Variants in COL28A1 observed in about 807,000 individuals in gnomAD.
COL28A1 encodes the protein collagen type XXVIII alpha 1 chain.
In COL28A1, 161 loss-of-function variants were observed where a neutral mutation model predicts 150.2. That is an observed-to-expected ratio of 1.07 (90% CI 0.94 to 1.22). The LOEUF (loss-of-function observed/expected upper bound fraction) is 1.22, where lower values mean the gene tolerates loss of function less well. Among genes scored for constraint, COL28A1 ranks in the 50% most tolerant of loss-of-function variants. COL28A1 has a pLI of 0.00. For synonymous variants in COL28A1, 552 were observed against 469.7 expected, an observed-to-expected ratio of 1.18 and a Z score of -2.26; for missense variants, 1,617 against 1,388.3, an observed-to-expected ratio of 1.16 and a Z score of -2.62.
At position 7,358,423 on chromosome 7, in the gene COL28A1, C is replaced by T; in HGVS notation, c.*210G>A. ...AACTTTTTAGTTGGGTGACAGTTGA[C>T]AAGTTACTAAACTTCTCAGAGCCTC... On this transcript the variant is annotated 3_prime_UTR_variant, in exon 35 of 35. Transcript: ENST00000399429. 2.2e-6 allele frequency: 1 copy of T among 458,208 alleles called. No individual in the cohort carries two copies. The highest frequency in any genetic ancestry group is 3.8e-6 in the Non-Finnish European group (1 of 262,356). The allele number at this position is 458,208 out of a possible 1,614,324, so 28.4% of individuals were successfully genotyped here.
intron 11 of COL28A1, among the ~76,000 whole-genome samples, chr7:7,503,943 A>T (rs1172150171): frequency 6.6e-6 from 1 of 152,194 alleles, no homozygotes; most frequent in Non-Finnish European, 1.5e-5. Context: ...TTAAAACTTA[A>T]GTGGCAATTT....
rs1362711759 is a variant in COL28A1, at chr7:7,531,464, C to T, written c.565G>A (p.Ala189Thr). The T allele has an allele frequency of 6.3e-7, 1 of 1,595,510 alleles. No individual in the cohort carries two copies. Among genetic ancestry groups the T allele is most frequent in the Non-Finnish European group, 8.6e-7 (1 of 1,163,206 alleles). Reference sequence around the variant, plus strand: ...GCTTCATTGACTACCGTAGAAAGTGCAATGGTGATAAATGATATTCCTGAA... The same window carrying T: ...GCTTCATTGACTACCGTAGAAAGTGTAATGGTGATAAATGATATTCCTGAA... The part of the protein sequence containing the change: ...RISGISFITI[A>T]LSTVVNEAKL... Residue 189 changes from alanine to threonine, a missense_variant, in exon 3 of 35, where the codon GCA becomes ACA. Physicochemically the swap from Ala to Thr is moderately conservative, Grantham distance 58. Coordinates refer to ENST00000399429, the MANE Select transcript of COL28A1 (RefSeq NM_001037763.3).
intron 15 of COL28A1, among the ~76,000 whole-genome samples, chr7:7,465,420 G>A (rs1161267601): frequency 4.3e-5 from 6 of 141,096 alleles, no homozygotes; most frequent in African/African-American, 8.0e-5. Flanking sequence ...GGCGCACCAC[G>A]AGACTATATC....
Position 7,477,315 on chromosome 7 carries a change from C to T in COL28A1, c.1165-135G>A. 3 of 642,798 alleles carry T rather than the reference C, an allele frequency of 4.7e-6. No individual in the cohort carries two copies. In the South Asian group the frequency reaches 5.7e-5, roughly 12 times the overall value. The allele number at this position is 642,798 out of a possible 1,614,324, so 39.8% of individuals were successfully genotyped here. A position where few individuals can be genotyped will look rare whatever the true frequency, so the allele number is the denominator to read the frequency against. On this transcript the variant is annotated intron_variant, in intron 13 of 34. Coordinates refer to ENST00000399429, the MANE Select transcript of COL28A1 (RefSeq NM_001037763.3). ...GCCAAAAAAAAATGGATAGTTGGAT[C>T]TGTACTAAACATGTACAGGCTTTTT...
In COL28A1 at chr7:7,412,772, A is replaced by T. The variant is rs769139539; in HGVS notation, c.2136+5087T>A. Reference sequence around the variant, plus strand: ...ATAGCCCACACTCTGGTGGAATATCAACTCTGTGTCCTAGACATTTTATAC... The same window carrying T: ...ATAGCCCACACTCTGGTGGAATATCTACTCTGTGTCCTAGACATTTTATAC... On this transcript the variant is annotated intron_variant, in intron 27 of 34. Coordinates refer to ENST00000399429, the MANE Select transcript of COL28A1 (RefSeq NM_001037763.3). Among the ~76,000 whole-genome samples the T allele has an allele frequency of 4.6e-5, 7 of 152,138 alleles. 1 individual carries two copies. The highest frequency in any genetic ancestry group is 1.7e-4 in the African/African-American group (7 of 41,382).
In COL28A1 at chr7:7,393,568, C is replaced by G. The variant is rs115126140; in HGVS notation, c.2137-11956G>C. Reference sequence around the variant, plus strand: ...GCTGCACCCACAGTCTCCCCTTCCCCCAGGTGCTCTGTCCGAGGGAGACGG... The same window carrying G: ...GCTGCACCCACAGTCTCCCCTTCCCGCAGGTGCTCTGTCCGAGGGAGACGG... On this transcript the variant is annotated intron_variant, in intron 27 of 34. Transcript: ENST00000399429. Among the ~76,000 whole-genome samples, 1,217 of 152,194 alleles carry G rather than the reference C, an allele frequency of 8.0e-3. 23 individuals are homozygous for G. Among genetic ancestry groups the G allele is most frequent in the African/African-American group, 0.028 (1,166 of 41,522 alleles).
chr7:7,407,976 C>T (rs1321991593), intron 27 of COL28A1, among the ~76,000 whole-genome samples: 1 of 152,096 alleles, frequency 6.6e-6, no homozygotes, highest in African/African-American at 2.4e-5. Context: ...CATTACTAAA[C>T]ACAGGGTCCT....
chr7:7,542,691 T>C, the COL28A1 span, among the ~76,000 whole-genome samples: 1 of 152,172 alleles, frequency 6.6e-6, no homozygotes, highest in African/African-American at 2.4e-5. Context: ...CGGGAGCCAC[T>C]GAACAATTTT....
At chr7:7,428,421 C>T (rs556842474) in intron 25 of COL28A1, among the ~76,000 whole-genome samples, 3 of 152,294 alleles carry the variant, frequency 2.0e-5, no homozygotes, top group Admixed American at 2.0e-4. Flanking sequence ...GTCTTATATT[C>T]CTTTTCTATG....
chr7:7,439,347 G>C (rs776340752), intron 21 of COL28A1, among the ~76,000 whole-genome samples: 1 of 152,044 alleles, frequency 6.6e-6, no homozygotes, highest in Non-Finnish European at 1.5e-5. Flanking sequence ...GACATGACAA[G>C]AATCGGGAAA....
In COL28A1 at chr7:7,533,981, A is replaced by G. The variant is rs138846886; in HGVS notation, c.-37-1069T>C. Among the ~76,000 whole-genome samples, 321 of 152,314 alleles carry G rather than the reference A, an allele frequency of 2.1e-3. 3 individuals are homozygous for G. Among genetic ancestry groups the G allele is most frequent in the African/African-American group, 7.4e-3 (309 of 41,580 alleles). On this transcript the variant is annotated intron_variant, in intron 1 of 34. Coordinates refer to ENST00000399429, the MANE Select transcript of COL28A1 (RefSeq NM_001037763.3). ...CCTTTAGGGGATAAGAATCTGGGAAATCATGAGCACGATTTTTCCAGACTC... is the reference window on the plus strand; with the variant it reads ...CCTTTAGGGGATAAGAATCTGGGAAGTCATGAGCACGATTTTTCCAGACTC...
chr7:7,478,554 G>A (rs1789115720), intron 13 of COL28A1, among the ~76,000 whole-genome samples: 2 of 152,260 alleles, frequency 1.3e-5, no homozygotes, highest in Non-Finnish European at 2.9e-5. Context: ...ACACTCCTCA[G>A]CCCTTGGGCA....
At chr7:7,387,146 C>T (rs1315186760) in intron 27 of COL28A1, among the ~76,000 whole-genome samples, 1 of 152,096 alleles carries the variant, frequency 6.6e-6, no homozygotes, top group African/African-American at 2.4e-5. Context: ...TATGAATTTT[C>T]AGACCACATT....
At position 7,389,311 on chromosome 7, in the gene COL28A1, G is replaced by A. The variant is rs374171212; in HGVS notation, c.2137-7699C>T. 7.2e-5 allele frequency among the ~76,000 whole-genome samples: 11 copies of A among 152,250 alleles called. No homozygotes were observed. In the East Asian group the frequency reaches 1.7e-3, roughly 24 times the overall value. On this transcript the variant is annotated intron_variant, in intron 27 of 34. Coordinates refer to ENST00000399429, the MANE Select transcript of COL28A1 (RefSeq NM_001037763.3). ...TGTCAAAGACCAGATGGTTGTAGAT[G>A]TATAGTGTTATTTCTGAGGCTTCTG...
At chr7:7,380,983 A>G in intron 28 of COL28A1, 121 bp from the exon 29 acceptor site, 2 of 773,836 alleles carry the variant, frequency 2.6e-6, no homozygotes, top group Non-Finnish European at 4.3e-6. Context: ...TCTTGTTTAT[A>G]CAAATGCAGT....
chr7:7,459,811 T>C (rs1787466497), intron 15 of COL28A1, among the ~76,000 whole-genome samples: 1 of 152,208 alleles, frequency 6.6e-6, no homozygotes, highest in East Asian at 1.9e-4. Context: ...ATTTGACAAA[T>C]CATCAAGATC....
chr7:7,436,754 T>C (rs1785374638), intron 22 of COL28A1, among the ~76,000 whole-genome samples: 1 of 152,132 alleles, frequency 6.6e-6, no homozygotes, highest in Non-Finnish European at 1.5e-5. Flanking sequence ...TAAAATTGAG[T>C]GAAGGCCAGG....
rs565444041 is a variant in COL28A1 at position 7,530,981 on chromosome 7, C to T, written c.681+367G>A. Reference sequence around the variant, plus strand: ...GGAATGGGAAAAGACCAACTTGGTACAAATATAGCCTAACACCTCAAGTTG... The same window carrying T: ...GGAATGGGAAAAGACCAACTTGGTATAAATATAGCCTAACACCTCAAGTTG... On this transcript the variant is annotated intron_variant, in intron 3 of 34. Coordinates refer to ENST00000399429, the MANE Select transcript of COL28A1 (RefSeq NM_001037763.3). 2.4e-4 allele frequency among the ~76,000 whole-genome samples: 36 copies of T among 152,252 alleles called. 1 individual carries two copies. The South Asian group carries it at 6.8e-3, about 29-fold the overall frequency.
chr7:7,482,805 G>A (rs929924205), intron 13 of COL28A1, among the ~76,000 whole-genome samples: 1 of 152,130 alleles, frequency 6.6e-6, no homozygotes, highest in African/African-American at 2.4e-5. Flanking sequence ...AAGAAGATAA[G>A]AGAAATTGCA....
Sources: allele counts gnomAD v4.1 joint callset (sites outside exome capture counted in the v4.1 genomes callset), GRCh38; gene constraint gnomAD v4.1.1; transcripts MANE v1.5; gene names NCBI Gene and HGNC (gene_info 2026-07-23, HGNC 2026-07-21).